The following FAM98B variants were observed in gnomAD, a reference collection of about 807,000 sequenced individuals.
The protein encoded by FAM98B is tRNA splicing ligase complex subunit 3B.
FAM98B carries 32 observed loss-of-function variants against 43.9 expected under a neutral mutation model. The ratio of observed to expected loss-of-function variants is 0.73; its 90% confidence interval spans 0.55 to 0.98. The LOEUF (loss-of-function observed/expected upper bound fraction) is 0.98, where lower values mean the gene tolerates loss of function less well. Ranked by LOEUF, FAM98B falls within the 50% of genes least tolerant of loss-of-function variation. The probability of loss-of-function intolerance (pLI) is 0.00; values close to 1 mark genes in which losing one functional copy is unlikely to be tolerated. For synonymous variants in FAM98B, 190 were observed against 174.0 expected, an observed-to-expected ratio of 1.09 and a Z score of -0.72; for missense variants, 514 against 522.9, an observed-to-expected ratio of 0.98 and a Z score of 0.17.
chr15:38,486,759 C>T lies in FAM98B; in HGVS notation c.*2100C>T, dbSNP rs536607419. On this transcript the variant is annotated 3_prime_UTR_variant, in exon 8 of 8. Coordinates refer to ENST00000397609, the MANE Select transcript of FAM98B (RefSeq NM_173611.4). Reference sequence around the variant, plus strand: ...ACTCTTTCCTGTAAGGTGGGATTTTCCTGATAATCTTTGTTCAGTAAAAAT... The same window carrying T: ...ACTCTTTCCTGTAAGGTGGGATTTTTCTGATAATCTTTGTTCAGTAAAAAT... The T allele has an allele frequency of 6.6e-6, 1 of 152,126 alleles. No homozygotes were observed. The highest frequency in any genetic ancestry group is 1.5e-5 in the Non-Finnish European group (1 of 67,952). The allele number at this position is 152,126 out of a possible 1,614,324, so 9.4% of individuals were successfully genotyped here.
chr15:38,479,602 G>T (rs150930625), intron 6 of FAM98B, among the ~76,000 whole-genome samples: 33 of 152,070 alleles, frequency 2.2e-4, no homozygotes, highest in African/African-American at 7.7e-4. Flanking sequence ...TCCTTCTTAT[G>T]GCTGCATTAT....
intron 4 of FAM98B, among the ~76,000 whole-genome samples, chr15:38,471,824 G>T (rs1375229914): frequency 2.0e-5 from 3 of 152,154 alleles, no homozygotes; most frequent in Non-Finnish European, 4.4e-5. Context: ...GATACATAGT[G>T]ATGGTATAAT....
intron 6 of FAM98B, among the ~76,000 whole-genome samples, chr15:38,480,877 G>A (rs935073080): frequency 6.6e-6 from 1 of 151,608 alleles, no homozygotes. Context: ...AGTTAATTTG[G>A]GGGAAAACTG....
chr15:38,472,857 G>T (rs976329002), intron 4 of FAM98B, among the ~76,000 whole-genome samples: 10 of 152,110 alleles, frequency 6.6e-5, no homozygotes, highest in Admixed American at 2.0e-4. Context: ...GGATTCTCCA[G>T]TCAGGAAGGT....
chr15:38,469,871 C>T (rs1050912227), intron 3 of FAM98B, among the ~76,000 whole-genome samples: 1 of 151,826 alleles, frequency 6.6e-6, no homozygotes, highest in East Asian at 1.9e-4. Flanking sequence ...TTTCTGGGGG[C>T]CTGTATCTTT....
chr15:38,467,365 A>C (rs1243886514), intron 3 of FAM98B, among the ~76,000 whole-genome samples: 1 of 152,208 alleles, frequency 6.6e-6, no homozygotes, highest in Non-Finnish European at 1.5e-5. Context: ...ATAAAAATCC[A>C]CTGGGAAAAT....
At chr15:38,466,270 G>T (rs895090062) in intron 3 of FAM98B, among the ~76,000 whole-genome samples, 4 of 151,604 alleles carry the variant, frequency 2.6e-5, no homozygotes, top group Admixed American at 2.6e-4. Flanking sequence ...TGTGTTGAGT[G>T]GGGATAAAAA....
chr15:38,471,093 G>A (rs1890125101), intron 4 of FAM98B, among the ~76,000 whole-genome samples: 1 of 151,622 alleles, frequency 6.6e-6, no homozygotes, highest in Non-Finnish European at 1.5e-5. Flanking sequence ...GAAGAATACA[G>A]GATTCATTTT....
intron 6 of FAM98B, among the ~76,000 whole-genome samples, chr15:38,477,545 C>G (rs1890220550): frequency 6.6e-6 from 1 of 152,142 alleles, no homozygotes; most frequent in African/African-American, 2.4e-5. Flanking sequence ...GAGTCCCTTT[C>G]CAAACACCTG....
rs549117079 is a variant in FAM98B at position 38,465,265 on chromosome 15, A to G, written c.218-4A>G. 220 of 1,598,068 alleles carry G rather than the reference A, an allele frequency of 1.4e-4. 1 individual carries two copies. Among genetic ancestry groups the G allele is most frequent in the South Asian group, 1.4e-3 (120 of 87,408 alleles). On this transcript the variant is annotated splice_polypyrimidine_tract_variant and splice_region_variant and intron_variant, in intron 2 of 7. Transcript: ENST00000397609. ...AAATGTTTTATGATTTTTCTTTTTT[A>G]AAGGAAGAGATGATCTAGAGAGCTT...
intron 3 of FAM98B, among the ~76,000 whole-genome samples, chr15:38,469,259 A>G (rs1890086799): frequency 6.6e-6 from 1 of 152,176 alleles, no homozygotes; most frequent in Non-Finnish European, 1.5e-5. Flanking sequence ...CAAGACTATA[A>G]TCATTTAAGA....
At chr15:38,458,790 C>A (rs76539576) in intron 1 of FAM98B, 35,105 of 438,482 alleles carry the variant, frequency 0.08, 2,036 homozygotes, top group East Asian at 0.16. Context: ...TATAGATGTC[C>A]TCTGCTCTGC....
At chr15:38,480,384 C>A (rs55756057) in intron 6 of FAM98B, among the ~76,000 whole-genome samples, 2 of 152,106 alleles carry the variant, frequency 1.3e-5, no homozygotes, top group Non-Finnish European at 2.9e-5. Flanking sequence ...TTATGAGGCT[C>A]TGAGTCTCAA....
Position 38,481,677 on chromosome 15 carries a change from G to C in FAM98B, c.897+218G>C, listed in dbSNP as rs1295648997. On this transcript the variant is annotated intron_variant, in intron 7 of 7. Coordinates refer to ENST00000397609, the MANE Select transcript of FAM98B (RefSeq NM_173611.4). ...AATCAAAGTATTTTCTGAATTAGAG[G>C]AATTATGAATTGTTTTTGTCAAAGC... 2.2e-6 allele frequency: 3 copies of C among 1,346,700 alleles called. No homozygotes were observed. The African/African-American group carries it at 4.4e-5, about 20-fold the overall frequency. The allele number at this position is 1,346,700 out of a possible 1,614,324, so 83.4% of individuals were successfully genotyped here.
intron 1 of FAM98B, chr15:38,459,336 TAGC>T (rs920464672): frequency 1.7e-5 from 8 of 483,624 alleles, no homozygotes; most frequent in South Asian, 7.7e-5. Flanking sequence ...AGATCCGACT[TAGC>T]AGTGGTGTTG....
intron 6 of FAM98B, among the ~76,000 whole-genome samples, chr15:38,476,868 A>G (rs62002946): frequency 0.011 from 1,742 of 152,116 alleles, 20 homozygotes; most frequent in Non-Finnish European, 0.019. Context: ...TTGTGTGCCT[A>G]TAGTCCCAGC....
rs1031334124 is a variant in FAM98B, at chr15:38,459,028, C to G, written c.71+4796C>G. The G allele has an allele frequency of 1.2e-4, 41 of 339,102 alleles. No individual in the cohort carries two copies. The East Asian group carries it at 3.3e-3, about 27-fold the overall frequency. The allele number at this position is 339,102 out of a possible 1,614,324, so 21.0% of individuals were successfully genotyped here. On this transcript the variant is annotated intron_variant, in intron 1 of 7. Coordinates refer to ENST00000397609, the MANE Select transcript of FAM98B (RefSeq NM_173611.4). The stretch of plus-strand genomic sequence containing the variant: ...GTGAGCCCGGAACACCCCACACCGG[C>G]CAGCAGATCCGTCACAGGGTTGGCA...
intron 6 of FAM98B, among the ~76,000 whole-genome samples, chr15:38,479,877 T>C (rs1890258360): frequency 6.6e-6 from 1 of 152,238 alleles, no homozygotes; most frequent in Admixed American, 6.5e-5. Flanking sequence ...TGTGTCACTT[T>C]AGCCTCTTTA....
At chr15:38,471,657 C>T (rs62002938) in intron 4 of FAM98B, among the ~76,000 whole-genome samples, 1,741 of 152,208 alleles carry the variant, frequency 0.011, 21 homozygotes, top group Non-Finnish European at 0.019. Flanking sequence ...GGTCTTCCTA[C>T]TCTATTCAGT....
Sources: allele counts gnomAD v4.1 joint callset (sites outside exome capture counted in the v4.1 genomes callset), GRCh38; gene constraint gnomAD v4.1.1; transcripts MANE v1.5; gene names NCBI Gene and HGNC (gene_info 2026-07-23, HGNC 2026-07-21).